Variants in CNTN5 observed in about 807,000 individuals in gnomAD.
The protein encoded by CNTN5 is contactin-5.
In CNTN5, 77 loss-of-function variants were observed where a neutral mutation model predicts 129.1. The ratio of observed to expected loss-of-function variants is 0.60; its 90% CI spans 0.50 to 0.72. The LOEUF is 0.72. Among genes scored for constraint, CNTN5 ranks in the 30% least tolerant of loss-of-function variants. CNTN5 has a pLI of 0.00. For missense variants in CNTN5, 1,478 were observed against 1,328.8 expected, an observed-to-expected ratio of 1.11 and a Z score of -1.75; for synonymous variants, 509 against 465.6, an observed-to-expected ratio of 1.09 and a Z score of -1.20.
chr11:99,518,635 T>C (rs1947151358), intron 2 of CNTN5, among the ~76,000 whole-genome samples: 1 of 152,092 alleles, frequency 6.6e-6, no homozygotes, highest in Non-Finnish European at 1.5e-5. Flanking sequence ...ATATTAAGTA[T>C]TTAGTCAAAT....
intron 1 of CNTN5, among the ~76,000 whole-genome samples, chr11:99,288,689 C>T (rs116522083): frequency 4.7e-4 from 71 of 151,968 alleles, no homozygotes; most frequent in African/African-American, 1.7e-3. Context: ...GTCTCTATGC[C>T]TGTCAAGTCT....
chr11:99,957,123 T>C (rs1950824620), intron 8 of CNTN5, 114 bp downstream of exon 8: 1 of 920,040 alleles, frequency 1.1e-6, no homozygotes, highest in African/African-American at 1.7e-5. Context: ...TAAAAAGGCA[T>C]TTGCCATATT....
chr11:99,443,658 C>T (rs533608935), intron 2 of CNTN5, among the ~76,000 whole-genome samples: 2 of 152,220 alleles, frequency 1.3e-5, no homozygotes, highest in East Asian at 1.9e-4. Flanking sequence ...GCATATAGAG[C>T]TATGCTTTCC....
At chr11:99,804,597 C>A (rs1310819935) in intron 3 of CNTN5, among the ~76,000 whole-genome samples, 1 of 150,764 alleles carries the variant, frequency 6.6e-6, no homozygotes, top group Non-Finnish European at 1.5e-5. Flanking sequence ...CTTATAAATA[C>A]CTTCAAATAT....
intron 6 of CNTN5, among the ~76,000 whole-genome samples, chr11:99,860,258 T>G (rs966798986): frequency 6.6e-5 from 10 of 152,232 alleles, no homozygotes; most frequent in Admixed American, 2.6e-4. Context: ...ACTCTGTAGG[T>G]TTTCTACTCT....
chr11:99,992,350 G>T (rs185362331), intron 8 of CNTN5, among the ~76,000 whole-genome samples: 2 of 152,278 alleles, frequency 1.3e-5, no homozygotes, highest in African/African-American at 2.4e-5. Flanking sequence ...AGCACATACA[G>T]GTTGAATATA....
At chr11:100,152,851 G>C (rs1947114920) in intron 13 of CNTN5, among the ~76,000 whole-genome samples, 1 of 151,956 alleles carries the variant, frequency 6.6e-6, no homozygotes, top group South Asian at 2.1e-4. Context: ...GGAAACTAAG[G>C]TTCAGAAAGT....
intron 1 of CNTN5, among the ~76,000 whole-genome samples, chr11:99,158,778 A>C (rs1399018320): frequency 2.0e-5 from 3 of 152,148 alleles, no homozygotes; most frequent in Non-Finnish European, 4.4e-5. Flanking sequence ...TATCTTGTGT[A>C]ATTCTGTTTT....
intron 2 of CNTN5, among the ~76,000 whole-genome samples, chr11:99,461,826 TA>T (rs1565201589): frequency 6.6e-6 from 1 of 152,202 alleles, no homozygotes; most frequent in African/African-American, 2.4e-5. Flanking sequence ...AACTTTTTTT[TA>T]AAATGTAGAA....
intron 3 of CNTN5, among the ~76,000 whole-genome samples, chr11:99,671,621 A>C: frequency 6.6e-6 from 1 of 152,268 alleles, no homozygotes; most frequent in African/African-American, 2.4e-5. Flanking sequence ...ACATTATCGA[A>C]TTTTTTGGAA....
In CNTN5 at chr11:99,205,254, G is replaced by T. The variant is rs567267560; in HGVS notation, c.-209-120092G>T. On this transcript the variant is annotated intron_variant, in intron 1 of 24. Coordinates refer to ENST00000524871, the MANE Select transcript of CNTN5 (RefSeq NM_014361.4). ...AATAGTATTAAAATTCCCTGGAAAA[G>T]GAGAATTTCTTTTAGCAAATCATAT... is the stretch of plus-strand genomic sequence containing the variant. Among the ~76,000 whole-genome samples the T allele has an allele frequency of 1.5e-4, 23 of 152,184 alleles. 1 individual carries two copies. In the South Asian group the frequency reaches 4.8e-3, roughly 32 times the overall value.
intron 7 of CNTN5, among the ~76,000 whole-genome samples, chr11:99,944,756 A>T (rs961024650): frequency 2.6e-5 from 4 of 152,140 alleles, no homozygotes; most frequent in Admixed American, 1.3e-4. Context: ...GTGAACTCCC[A>T]TTCACAATTG....
chr11:100,349,557 G>T (rs1218783976), intron 23 of CNTN5, among the ~76,000 whole-genome samples: 1 of 151,812 alleles, frequency 6.6e-6, no homozygotes, highest in East Asian at 1.9e-4. Context: ...ACAAAATTTA[G>T]TAACTTGCCC....
At position 99,804,254 on chromosome 11, in the gene CNTN5, G is replaced by A. The variant is rs574241579; in HGVS notation, c.56-15290G>A. ...AAAGTTACTTGATAAGTTGATTAAAGGAAAGTCATTTACCAAATGTGTACC... is the reference window on the plus strand; with the variant it reads ...AAAGTTACTTGATAAGTTGATTAAAAGAAAGTCATTTACCAAATGTGTACC... On this transcript the variant is annotated intron_variant, in intron 3 of 24. Coordinates refer to ENST00000524871, the MANE Select transcript of CNTN5 (RefSeq NM_014361.4). Among the ~76,000 whole-genome samples, 11 of 152,096 alleles carry A rather than the reference G, an allele frequency of 7.2e-5. No homozygotes were observed. The South Asian group carries it at 2.3e-3, about 32-fold the overall frequency.
chr11:100,284,111 G>A (rs1281573195), intron 18 of CNTN5, among the ~76,000 whole-genome samples: 1 of 152,156 alleles, frequency 6.6e-6, no homozygotes, highest in East Asian at 1.9e-4. Context: ...TTTCTCTTCT[G>A]TGTTGTGGGG....
chr11:99,521,464 T>A (rs181099519), intron 2 of CNTN5, among the ~76,000 whole-genome samples: 156 of 152,322 alleles, frequency 1.0e-3, no homozygotes, highest in African/African-American at 3.4e-3. Flanking sequence ...AGGTGACTTA[T>A]TTTAATTGTA....
chr11:99,450,257 A>AATATATATAT lies in CNTN5; in HGVS notation c.-70-105869_-70-105860dup, dbSNP rs56270711. Among the ~76,000 whole-genome samples the AATATATATAT allele has an allele frequency of 4.0e-3, 585 of 145,948 alleles. 2 individuals carry two copies. Among genetic ancestry groups the AATATATATAT allele is most frequent in the African/African-American group, 0.014 (550 of 39,610 alleles). The stretch of plus-strand genomic sequence containing the variant: ...TTTGGCAAAAAGTATTGCTGGTAGA[A>AATATATATAT]ATATATATATATATATATATATATA... On this transcript the variant is annotated intron_variant, in intron 2 of 24. Coordinates refer to ENST00000524871, the MANE Select transcript of CNTN5 (RefSeq NM_014361.4).
In CNTN5 at chr11:100,288,142, C is replaced by A. The variant is rs551109301; in HGVS notation, c.2315-9483C>A. Among the ~76,000 whole-genome samples the A allele has an allele frequency of 2.6e-5, 4 of 152,240 alleles. No homozygotes were observed. The East Asian group carries it at 7.7e-4, about 29-fold the overall frequency. On this transcript the variant is annotated intron_variant, in intron 18 of 24. Transcript: ENST00000524871. ...AGTGACCTACAAAGAGACTTAGACT[C>A]CCACACATTAATAATGGGAGACTTT...
In CNTN5 at chr11:99,979,034, C is replaced by T. The variant is rs563907301; in HGVS notation, c.877+22025C>T. ...CTCTAAACTTTAGATTCTTGATTCA[C>T]GTAACACTGTTTCTCTCTCCTTTTG... is the stretch of plus-strand genomic sequence containing the variant. On this transcript the variant is annotated intron_variant, in intron 8 of 24. Coordinates refer to ENST00000524871, the MANE Select transcript of CNTN5 (RefSeq NM_014361.4). 1.1e-4 allele frequency among the ~76,000 whole-genome samples: 16 copies of T among 152,286 alleles called. No homozygotes were observed. In the East Asian group the frequency reaches 2.1e-3, roughly 20 times the overall value.
Sources: allele counts gnomAD v4.1 joint callset (sites outside exome capture counted in the v4.1 genomes callset), GRCh38; gene constraint gnomAD v4.1.1; transcripts MANE v1.5; gene names NCBI Gene and HGNC (gene_info 2026-07-23, HGNC 2026-07-21).